The following SAMD12 variants were observed in gnomAD, a reference collection of about 807,000 sequenced individuals.
The protein encoded by SAMD12 is sterile alpha motif domain-containing protein 12.
In SAMD12, 9 loss-of-function variants were observed where a neutral mutation model predicts 15.0. The ratio of observed to expected loss-of-function variants is 0.60; its 90% confidence interval spans 0.36 to 1.05. SAMD12 has a LOEUF of 1.05. SAMD12 is among the 50% of genes least tolerant of loss of function. The pLI, the probability that SAMD12 is intolerant of heterozygous loss-of-function variation, is 0.01. For synonymous variants in SAMD12, 86 were observed against 90.1 expected (o/e 0.96, Z 0.25); for missense variants, 230 against 234.2 (o/e 0.98, Z 0.12).
chr8:118,524,117 G>A (rs752759449), intron 2 of SAMD12, among the ~76,000 whole-genome samples: 2 of 151,890 alleles, frequency 1.3e-5, no homozygotes, highest in Admixed American at 6.6e-5. Context: ...ACCCCATTTA[G>A]AGTAAAAAAC....
downstream of SAMD12, among the ~76,000 whole-genome samples, chr8:118,188,853 A>C (rs1327709149): frequency 6.6e-6 from 1 of 152,118 alleles, no homozygotes. Flanking sequence ...TGTTTGCCGC[A>C]CTAGAGGCTG....
intron 2 of SAMD12, among the ~76,000 whole-genome samples, chr8:118,545,328 G>A (rs1826094441): frequency 6.6e-6 from 1 of 152,144 alleles, no homozygotes; most frequent in Non-Finnish European, 1.5e-5. Flanking sequence ...TTAGCCAGGT[G>A]TAGTGGCAGG....
intron 4 of SAMD12, among the ~76,000 whole-genome samples, chr8:118,221,627 G>A: frequency 6.6e-6 from 1 of 152,174 alleles, no homozygotes; most frequent in East Asian, 1.9e-4. Flanking sequence ...AGTGTTTGGA[G>A]CCAGATCATG....
At chr8:118,560,413 GA>G (rs1372521671) in intron 2 of SAMD12, among the ~76,000 whole-genome samples, 2 of 152,186 alleles carry the variant, frequency 1.3e-5, no homozygotes, top group African/African-American at 2.4e-5. Flanking sequence ...TGACTTCCAA[GA>G]ATACTTCTAT....
intron 4 of SAMD12, among the ~76,000 whole-genome samples, chr8:118,260,659 A>T (rs1172626515): frequency 1.3e-5 from 2 of 152,124 alleles, no homozygotes; most frequent in Non-Finnish European, 2.9e-5. Context: ...GGGCAGTACC[A>T]GCAGGAGTTT....
At chr8:118,443,497 G>A (rs1822816857) in intron 2 of SAMD12, among the ~76,000 whole-genome samples, 1 of 151,970 alleles carries the variant, frequency 6.6e-6, no homozygotes, top group African/African-American at 2.4e-5. Context: ...AATTAAGATG[G>A]TATGAGCCTA....
chr8:118,297,694 A>C (rs186307378), intron 4 of SAMD12, among the ~76,000 whole-genome samples: 202 of 152,302 alleles, frequency 1.3e-3, no homozygotes, highest in African/African-American at 4.5e-3. Context: ...AATTATTATA[A>C]ATTTTCAGAA....
chr8:118,164,798 G>A, the SAMD12 span, among the ~76,000 whole-genome samples: 121 of 151,104 alleles, frequency 8.0e-4, no homozygotes, highest in African/African-American at 2.3e-3. Context: ...TATTAGAACC[G>A]TTGTCTCTCT....
At chr8:118,492,121 C>CTTTTTTTTTTTTTTTTTTTTTTTTTTTT (rs1586760425) in intron 2 of SAMD12, among the ~76,000 whole-genome samples, 1 of 112,580 alleles carries the variant, frequency 8.9e-6, no homozygotes, top group Non-Finnish European at 1.7e-5. Context: ...ACTGGTGTTG[C>CTTTTTTTTTTTTTTTTTTTTTTTTTTTT]CTTTTTTTTT....
exon 5 of SAMD12, chr8:118,192,672 T>A (rs560966166): frequency 6.6e-6 from 1 of 152,140 alleles, no homozygotes; most frequent in Non-Finnish European, 1.5e-5. Context: ...CTCCAATTTA[T>A]GAAAATTGAA....
intron 4 of SAMD12, among the ~76,000 whole-genome samples, chr8:118,348,848 G>C (rs1817807480): frequency 6.6e-6 from 1 of 152,324 alleles, no homozygotes; most frequent in East Asian, 1.9e-4. Flanking sequence ...GTCCCAAGTG[G>C]AGTTGGCCCA....
intron 1 of SAMD12, among the ~76,000 whole-genome samples, chr8:118,619,755 C>T (rs1828344320): frequency 6.6e-6 from 1 of 152,064 alleles, no homozygotes; most frequent in Admixed American, 6.6e-5. Context: ...TAAATGTGAG[C>T]AGGAGGCACT....
the SAMD12 span, among the ~76,000 whole-genome samples, chr8:118,132,372 G>A: frequency 1.8e-4 from 28 of 152,178 alleles, no homozygotes; most frequent in Non-Finnish European, 3.7e-4. Flanking sequence ...CTGCAATGGG[G>A]AATGCACAAC....
intron 4 of SAMD12, among the ~76,000 whole-genome samples, chr8:118,342,033 T>C (rs1250033868): frequency 6.6e-6 from 1 of 152,218 alleles, no homozygotes; most frequent in Non-Finnish European, 1.5e-5. Flanking sequence ...CTTATGCCTG[T>C]AATCCCAGCA....
At chr8:118,245,536 A>C (rs28370851) in intron 4 of SAMD12, among the ~76,000 whole-genome samples, 1,762 of 152,232 alleles carry the variant, frequency 0.012, 48 homozygotes, top group African/African-American at 0.041. Flanking sequence ...GAGCTCAGAG[A>C]GATTAAATCA....
intron 2 of SAMD12, among the ~76,000 whole-genome samples, chr8:118,456,892 C>T (rs188493798): frequency 3.9e-5 from 6 of 152,314 alleles, no homozygotes; most frequent in African/African-American, 1.2e-4. Context: ...ATCACACACT[C>T]AGCCTGACTC....
rs534590216 is a variant in SAMD12 at position 118,349,495 on chromosome 8, G to A, written c.433+30065C>T. Among the ~76,000 whole-genome samples the A allele has an allele frequency of 1.8e-4, 28 of 152,340 alleles. No individual in the cohort carries two copies. The South Asian group carries it at 5.2e-3, about 28-fold the overall frequency. ...CTTGAGACAATCTTAGGTTTGTCAT[G>A]TCCATAACTATTCTCACAGATATTT... On this transcript the variant is annotated intron_variant, in intron 4 of 4. Transcript: ENST00000409003.
rs147161411 is a variant in SAMD12, at chr8:118,396,372, G to C, written c.323-16672C>G. On this transcript the variant is annotated intron_variant, in intron 3 of 3. Coordinates refer to ENST00000314727, the MANE Select transcript of SAMD12 (RefSeq NM_207506.3). ...ATTTCAAATTAAACATTACATAAAG[G>C]TGTACCTTGTGTAGGCTTCCATTGT... Among the ~76,000 whole-genome samples the C allele has an allele frequency of 4.1e-3, 620 of 152,212 alleles. 3 individuals carry two copies. Among genetic ancestry groups the C allele is most frequent in the Non-Finnish European group, 6.6e-3 (447 of 68,024 alleles).
At chr8:118,587,081 A>G (rs1198160112) in intron 1 of SAMD12, among the ~76,000 whole-genome samples, 2 of 152,200 alleles carry the variant, frequency 1.3e-5, no homozygotes, top group Non-Finnish European at 2.9e-5. Flanking sequence ...GTACATACTC[A>G]ACCCTCAATA....
Sources: gnomAD v4.1 joint callset for allele counts (sites outside exome capture counted in the v4.1 genomes callset) on GRCh38, gnomAD v4.1.1 for gene constraint, MANE v1.5 for transcripts, NCBI Gene and HGNC (gene_info 2026-07-23, HGNC 2026-07-21) for gene names.